The following STEAP3 variants were observed in gnomAD, a reference collection of about 807,000 sequenced individuals.
STEAP3 encodes the protein metalloreductase STEAP3.
STEAP3 carries 35 observed loss-of-function variants against 34.9 expected under a neutral mutation model. That is an observed-to-expected ratio of 1.00 (90% CI 0.76 to 1.33). STEAP3 has a LOEUF of 1.33. Among genes scored for constraint, STEAP3 ranks in the 40% most tolerant of loss-of-function variants. STEAP3 has a pLI of 0.00. For synonymous variants in STEAP3, 281 were observed against 301.6 expected (o/e 0.93, Z 0.71); for missense variants, 652 against 667.6 (o/e 0.98, Z 0.26).
At chr2:119,224,682 A>G (rs1317519375) in intron 1 of STEAP3, among the ~76,000 whole-genome samples, 1 of 152,182 alleles carries the variant, frequency 6.6e-6, no homozygotes, top group Non-Finnish European at 1.5e-5. Flanking sequence ...AGGCCTCCCA[A>G]ATATCCAGGG....
intron 5 of STEAP3, 62 bp from the exon 6 acceptor site, chr2:119,262,995 T>A: frequency 6.3e-7 from 1 of 1,577,126 alleles, no homozygotes; most frequent in Non-Finnish European, 8.6e-7. Context: ...GATGAGTCGT[T>A]GGCAGGATCA....
intron 2 of STEAP3, among the ~76,000 whole-genome samples, chr2:119,237,469 C>G (rs374592198): frequency 5.3e-5 from 8 of 152,316 alleles, no homozygotes; most frequent in Middle Eastern, 3.4e-3. Context: ...TGCCCTCCCC[C>G]CAGCCAGGGA....
intron 2 of STEAP3, among the ~76,000 whole-genome samples, chr2:119,232,073 G>A (rs775934201): frequency 6.6e-6 from 1 of 152,146 alleles, no homozygotes; most frequent in Non-Finnish European, 1.5e-5. Context: ...GAGAATGAGG[G>A]GCTGGAAAGT....
chr2:119,246,363 C>A (rs838082), intron 3 of STEAP3: 114 of 206,598 alleles, frequency 5.5e-4, no homozygotes, highest in African/African-American at 2.1e-3. Context: ...CTTATGTACC[C>A]GGCCCTGAGG....
intron 2 of STEAP3, among the ~76,000 whole-genome samples, chr2:119,235,952 T>C (rs1424029259): frequency 1.3e-5 from 2 of 152,168 alleles, no homozygotes; most frequent in African/African-American, 4.8e-5. Flanking sequence ...CAGCAGGTCC[T>C]CCTACTCTTC....
Position 119,264,419 on chromosome 2 carries a change from A to G in STEAP3, c.*1081A>G, listed in dbSNP as rs1314377837. 1 of 152,148 alleles carries G rather than the reference A, an allele frequency of 6.6e-6. No individual in the cohort carries two copies. Among genetic ancestry groups the G allele is most frequent in the South Asian group, 2.1e-4 (1 of 4,816 alleles). The allele number at this position is 152,148 out of a possible 1,614,324, so 9.4% of individuals were successfully genotyped here. A position where few individuals can be genotyped will look rare whatever the true frequency, so the allele number is the denominator to read the frequency against. On this transcript the variant is annotated 3_prime_UTR_variant, in exon 6 of 6. Coordinates refer to ENST00000393110, the MANE Select transcript of STEAP3 (RefSeq NM_182915.3). The stretch of plus-strand genomic sequence containing the variant: ...GACCCAGAAAACCACACTGGCTCCA[A>G]CTTCCTCCTCATGGGGCATTACACT...
chr2:119,227,810 GTATTTATTTATTTATT>G (rs57135393), intron 1 of STEAP3, among the ~76,000 whole-genome samples: 1 of 145,256 alleles, frequency 6.9e-6, no homozygotes, highest in South Asian at 2.2e-4. Flanking sequence ...CCCATTTCTT[GTATTTATTTATTTATT>G]TATTTATTTA....
At chr2:119,241,239 C>A (rs959833402) in intron 2 of STEAP3, among the ~76,000 whole-genome samples, 10 of 152,234 alleles carry the variant, frequency 6.6e-5, no homozygotes, top group African/African-American at 2.4e-4. Context: ...CACAGAGGAG[C>A]TATGTAACTC....
chr2:119,249,502 C>A (rs1351952795), intron 4 of STEAP3, among the ~76,000 whole-genome samples: 4 of 152,176 alleles, frequency 2.6e-5, no homozygotes, highest in African/African-American at 7.2e-5. Flanking sequence ...AGGGTTCAGC[C>A]CAGGTGCTGG....
chr2:119,247,959 C>CA lies in STEAP3; in HGVS notation c.804dup (p.Leu269ThrfsTer267). On this transcript the variant is annotated frameshift_variant, in exon 4 of 6. Coordinates refer to ENST00000393110, the MANE Select transcript of STEAP3 (RefSeq NM_182915.3). LOFTEE classifies it high-confidence loss of function. ...CTGCCCGTGTCCGTGGTCAACACCA[C>CA]ACTGCCGTGCGTGGCCTACGTGCTG... is the stretch of plus-strand genomic sequence containing the variant. 1 of 1,613,432 alleles carries CA rather than the reference C, an allele frequency of 6.2e-7. No individual in the cohort carries two copies. The highest frequency in any genetic ancestry group is 1.1e-5 in the South Asian group (1 of 91,092).
At chr2:119,231,741 A>G (rs180710557) in intron 2 of STEAP3, among the ~76,000 whole-genome samples, 7 of 152,150 alleles carry the variant, frequency 4.6e-5, no homozygotes. Flanking sequence ...TTTTTTAATG[A>G]TGTCTAAATA....
intron 5 of STEAP3, among the ~76,000 whole-genome samples, chr2:119,261,333 G>A (rs1437633199): frequency 6.6e-6 from 1 of 152,198 alleles, no homozygotes; most frequent in Non-Finnish European, 1.5e-5. Context: ...ACCACCCAGA[G>A]GTCTCAGTGT....
intron 1 of STEAP3, among the ~76,000 whole-genome samples, chr2:119,230,162 C>T (rs1679170647): frequency 6.6e-6 from 1 of 152,316 alleles, no homozygotes; most frequent in African/African-American, 2.4e-5. Flanking sequence ...ATACACTTAT[C>T]CCTAAGAATG....
intron 5 of STEAP3, among the ~76,000 whole-genome samples, chr2:119,256,911 T>C (rs1412541819): frequency 6.6e-6 from 1 of 152,174 alleles, no homozygotes; most frequent in Non-Finnish European, 1.5e-5. Context: ...CAGTAAGAGA[T>C]TATGTGTGAA....
chr2:119,257,350 G>A, intron 5 of STEAP3: 1 of 1,339,730 alleles, frequency 7.5e-7, no homozygotes, highest in South Asian at 2.0e-5. Flanking sequence ...TGGAGAAACA[G>A]AGATAACCCA....
At chr2:119,251,872 C>T (rs998312002) in intron 4 of STEAP3, among the ~76,000 whole-genome samples, 1 of 152,200 alleles carries the variant, frequency 6.6e-6, no homozygotes, top group African/African-American at 2.4e-5. Context: ...TTAAGCTCCC[C>T]CAGACTATCC....
Position 119,263,092 on chromosome 2 carries a change from A to G in STEAP3, c.1251A>G (p.Thr417=), listed in dbSNP as rs777797898. Residue 417 remains threonine (T), a synonymous_variant, in exon 6 of 6, where the codon ACA becomes ACG. Coordinates refer to ENST00000393110, the MANE Select transcript of STEAP3 (RefSeq NM_182915.3). ...SLGFVALVLS[T]LHTLTYGWTR... ...GCTTTGTGGCCCTCGTGCTGAGCAC[A>G]CTGCACACGCTCACCTACGGCTGGA... The G allele has an allele frequency of 4.3e-6, 7 of 1,610,070 alleles. No individual in the cohort carries two copies. The highest frequency in any genetic ancestry group is 5.1e-6 in the Non-Finnish European group (6 of 1,179,968).
intron 4 of STEAP3, 53 bp downstream of exon 4, chr2:119,248,259 G>GC (rs1677510898): frequency 1.3e-5 from 19 of 1,469,624 alleles, no homozygotes; most frequent in Admixed American, 4.1e-5. Flanking sequence ...TGCTTGTCCA[G>GC]CACCTCCCCC....
chr2:119,245,719 A>T lies in STEAP3; in HGVS notation c.253A>T (p.Thr85Ser). ...ARLFPSAAQV[T>S]FQEEAVSSPE... ...GCTGTTTCCCTCAGCGGCCCAAGTG[A>T]CTTTCCAAGAGGAGGCAGTGAGCTC... Residue 85 changes from threonine to serine, a missense_variant, in exon 3 of 6, where the codon ACT becomes TCT. Transcript: ENST00000393110. The T allele has an allele frequency of 6.2e-7, 1 of 1,614,118 alleles. No homozygotes were observed. Among genetic ancestry groups the T allele is most frequent in the African/African-American group, 1.3e-5 (1 of 75,052 alleles).
Sources: allele counts gnomAD v4.1 joint callset (sites outside exome capture counted in the v4.1 genomes callset), GRCh38; gene constraint gnomAD v4.1.1; transcripts MANE v1.5; gene names NCBI Gene and HGNC (gene_info 2026-07-23, HGNC 2026-07-21).